Variants in JADE1 observed in about 807,000 individuals in gnomAD.
JADE1 encodes the protein protein Jade-1.
A neutral mutation model predicts 81.8 loss-of-function variants in JADE1; 14 were observed. That is an observed-to-expected ratio of 0.17 (90% CI 0.11 to 0.27). The LOEUF (loss-of-function observed/expected upper bound fraction) is 0.27. Among genes scored for constraint, JADE1 ranks in the 10% least tolerant of loss-of-function variants. JADE1 has a pLI of 1.00. For synonymous variants in JADE1, 353 were observed against 391.9 expected (o/e 0.90, Z 1.17); for missense variants, 690 against 1,047.9 (o/e 0.66, Z 4.71).
At chr4:128,841,705 G>C (rs995645433) in intron 2 of JADE1, among the ~76,000 whole-genome samples, 4 of 152,226 alleles carry the variant, frequency 2.6e-5, no homozygotes, top group Non-Finnish European at 5.9e-5. Context: ...AGGTCTGGCA[G>C]GTTCCTCTGG....
Position 128,871,221 on chromosome 4 carries a change from A to G in JADE1, c.1622-134A>G, listed in dbSNP as rs1732167845. ...TCACTATAAAAACCAAATTTGTACA[A>G]ACTTGGTGGTGTAAGTGTTGTGTTG... On this transcript the variant is annotated intron_variant, in intron 10 of 10. Transcript: ENST00000226319. This position sits in a 1 kb window ranked among gnomAD's most constrained non-coding sequence, Gnocchi z 4.1. The G allele has an allele frequency of 1.2e-6, 1 of 864,448 alleles. No individual in the cohort carries two copies. The highest frequency in any genetic ancestry group is 1.7e-5 in the African/African-American group (1 of 58,978). The allele number at this position is 864,448 out of a possible 1,614,324, so 53.5% of individuals were successfully genotyped here.
At chr4:128,855,418 A>G (rs536045928) in intron 6 of JADE1, among the ~76,000 whole-genome samples, 2 of 152,274 alleles carry the variant, frequency 1.3e-5, no homozygotes, top group Admixed American at 6.5e-5. Context: ...CACCTCTATT[A>G]TGAATACATA....
intron 1 of JADE1, among the ~76,000 whole-genome samples, chr4:128,820,919 A>G (rs1473565630): frequency 2.6e-5 from 4 of 152,212 alleles, no homozygotes; most frequent in African/African-American, 9.7e-5. Flanking sequence ...AAATCTTTTA[A>G]AATTACCCTG....
In JADE1 at chr4:128,824,504, T is replaced by C. The variant is rs138883356; in HGVS notation, c.-26-7229T>C. 5.7e-4 allele frequency among the ~76,000 whole-genome samples: 87 copies of C among 152,332 alleles called. No homozygotes were observed. In the East Asian group the frequency reaches 0.01, roughly 18 times the overall value. On this transcript the variant is annotated intron_variant, in intron 1 of 10. Coordinates refer to ENST00000226319, the MANE Select transcript of JADE1 (RefSeq NM_199320.4). ...ACCTGGTTTCTGAAAATACATTCTT[T>C]AGTACCTTTAGGTATTAGATTTTAG...
chr4:128,831,918 C>G, intron 2 of JADE1, 108 bp downstream of exon 2: 3 of 1,016,592 alleles, frequency 3.0e-6, no homozygotes, highest in Non-Finnish European at 4.6e-6. Flanking sequence ...GCATGTCAGG[C>G]AGGTCAGAGA....
chr4:128,852,071 G>A lies in JADE1; in HGVS notation c.499G>A (p.Asp167Asn). 6 of 1,613,664 alleles carry A rather than the reference G, an allele frequency of 3.7e-6. No individual in the cohort carries two copies. Among genetic ancestry groups the A allele is most frequent in the Non-Finnish European group, 5.1e-6 (6 of 1,179,596 alleles). ...EFKEMGMPEL[D>N]EYTMERVLEE... Reference sequence around the variant, plus strand: ...TTTAACTTCAGGAATGCCTGAACTAGATGAATACACCATGGAGAGGGTCCT... The same window carrying A: ...TTTAACTTCAGGAATGCCTGAACTAAATGAATACACCATGGAGAGGGTCCT... Residue 167 changes from aspartate to asparagine, a missense_variant, in exon 6 of 11, where the codon GAT becomes AAT. Asp to Asn is a conservative substitution (Grantham distance 23, BLOSUM62 1). Transcript: ENST00000226319.
chr4:128,841,594 T>C (rs1729436457), intron 2 of JADE1, among the ~76,000 whole-genome samples: 1 of 152,190 alleles, frequency 6.6e-6, no homozygotes. Context: ...TCAGTTTTTA[T>C]AATGCTGAGT....
At chr4:128,867,743 T>C in intron 9 of JADE1, 113 bp from the exon 10 acceptor site, 1 of 568,034 alleles carries the variant, frequency 1.8e-6, no homozygotes, top group South Asian at 2.6e-5. Flanking sequence ...TGATTTCAAG[T>C]ATCTGTCAAG....
At position 128,857,358 on chromosome 4, in the gene JADE1, G is replaced by A; in HGVS notation, c.885G>A (p.Glu295=). Residue 295 remains glutamate, a synonymous_variant, in exon 8 of 11, where the codon GAG becomes GAA. Coordinates refer to ENST00000226319, the MANE Select transcript of JADE1 (RefSeq NM_199320.4). The part of the protein sequence containing the change: ...WIPEVSIGSP[E]KMEPITKVSH... ...TTTAGGTGAGCATTGGCAGCCCAGA[G>A]AAGATGGAGCCCATCACCAAGGTGT... The A allele has an allele frequency of 6.2e-7, 1 of 1,614,124 alleles. No homozygotes were observed. Among genetic ancestry groups the A allele is most frequent in the South Asian group, 1.1e-5 (1 of 91,082 alleles).
chr4:128,813,236 T>C (rs540208330), intron 1 of JADE1, among the ~76,000 whole-genome samples: 2 of 152,306 alleles, frequency 1.3e-5, no homozygotes, highest in African/African-American at 4.8e-5. Context: ...AATATGTCCA[T>C]ACTTGCATTG....
At chr4:128,862,662 C>T (rs1357333665) in intron 9 of JADE1, 2 of 1,019,694 alleles carry the variant, frequency 2.0e-6, no homozygotes, top group African/African-American at 3.4e-5. Flanking sequence ...ATTTCTTGTT[C>T]AGTCCGGGGA....
At chr4:128,844,529 C>CT (rs927341783) in intron 3 of JADE1, among the ~76,000 whole-genome samples, 3 of 152,040 alleles carry the variant, frequency 2.0e-5, no homozygotes, top group South Asian at 2.1e-4. Flanking sequence ...GATTTTCTTT[C>CT]TTTTTTGGCA....
intron 5 of JADE1, among the ~76,000 whole-genome samples, chr4:128,851,127 C>T (rs1188114970): frequency 6.6e-6 from 1 of 152,136 alleles, no homozygotes; most frequent in Non-Finnish European, 1.5e-5. Flanking sequence ...GACAGGATTT[C>T]GCCGTATTGG....
At chr4:128,868,836 A>T (rs1191915884) in intron 10 of JADE1, among the ~76,000 whole-genome samples, 2 of 152,148 alleles carry the variant, frequency 1.3e-5, no homozygotes, top group African/African-American at 2.4e-5. Context: ...TAGGTCTTAG[A>T]CTGGACTTCA....
intron 1 of JADE1, among the ~76,000 whole-genome samples, chr4:128,814,764 T>C (rs748334585): frequency 6.6e-6 from 1 of 151,948 alleles, no homozygotes; most frequent in Non-Finnish European, 1.5e-5. Context: ...GTTTTCACCA[T>C]GTTTGTCAGG....
At chr4:128,838,650 T>A (rs1729184707) in intron 2 of JADE1, among the ~76,000 whole-genome samples, 1 of 152,232 alleles carries the variant, frequency 6.6e-6, no homozygotes, top group Admixed American at 6.5e-5. Flanking sequence ...CTTTTTAGTA[T>A]TTAAAATATT....
rs1413349940 is a variant in JADE1 at position 128,871,031 on chromosome 4, G to T, written c.1622-324G>T. On this transcript the variant is annotated intron_variant, in intron 10 of 10. Coordinates refer to ENST00000226319, the MANE Select transcript of JADE1 (RefSeq NM_199320.4). The surrounding 1 kb of genome is among the most constrained non-coding windows in gnomAD (Gnocchi z 4.1). ...GTAGAGGGAGCAGAGGCAGCCATCAGCCACCTGATGAGTTCTGCATGGAGT... is the reference window on the plus strand; with the variant it reads ...GTAGAGGGAGCAGAGGCAGCCATCATCCACCTGATGAGTTCTGCATGGAGT... Among the ~76,000 whole-genome samples the T allele has an allele frequency of 2.0e-5, 3 of 152,324 alleles. No homozygotes were observed. The highest frequency in any genetic ancestry group is 2.0e-4 in the Admixed American group (3 of 15,304).
chr4:128,840,256 TC>T (rs1402415735), intron 2 of JADE1, among the ~76,000 whole-genome samples: 1 of 152,204 alleles, frequency 6.6e-6, no homozygotes, highest in Non-Finnish European at 1.5e-5. Context: ...TCCTGACAGA[TC>T]CTCAGGAAGA....
chr4:128,819,932 T>C (rs978356690), intron 1 of JADE1, among the ~76,000 whole-genome samples: 1 of 152,172 alleles, frequency 6.6e-6, no homozygotes, highest in African/African-American at 2.4e-5. Context: ...AACTGGTCTT[T>C]GGTTCTTCCA....
Sources: gnomAD v4.1 joint callset for allele counts (sites outside exome capture counted in the v4.1 genomes callset) on GRCh38, gnomAD v4.1.1 for gene constraint, Gnocchi (gnomAD v3.1) non-coding constraint, MANE v1.5 for transcripts, NCBI Gene and HGNC (gene_info 2026-07-23, HGNC 2026-07-21) for gene names.